The following CACNA1H variants were observed in gnomAD, a reference collection of about 807,000 sequenced individuals.
CACNA1H encodes the protein voltage-dependent T-type calcium channel subunit alpha-1H.
A neutral mutation model predicts 192.5 loss-of-function variants in CACNA1H; 149 were observed. That is an observed-to-expected ratio of 0.77 (90% CI 0.68 to 0.89). CACNA1H has a LOEUF of 0.89. Among genes scored for constraint, CACNA1H ranks in the 40% least tolerant of loss-of-function variants. The pLI, the probability that CACNA1H is intolerant of heterozygous loss-of-function variation, is 0.00. For missense variants in CACNA1H, 4,257 were observed against 3,423.5 expected, an observed-to-expected ratio of 1.24 and a Z score of -6.08; for synonymous variants, 2,202 against 1,475.2, an observed-to-expected ratio of 1.49 and a Z score of -11.29.
At position 1,211,465 on chromosome 16, in the gene CACNA1H, C is replaced by G. The variant is rs200013690; in HGVS notation, c.4351-16C>G. 1.9e-6 allele frequency: 3 copies of G among 1,612,300 alleles called. No individual in the cohort carries two copies. The highest frequency in any genetic ancestry group is 1.7e-5 in the Admixed American group (1 of 60,012). ...CACAGGCCAGGCCCTCCGCGGTGAC[C>G]GTCGCACCCCGTCAGCTCTTCAAAG... On this transcript the variant is annotated splice_polypyrimidine_tract_variant and intron_variant, in intron 22 of 34. Transcript: ENST00000348261.
At position 1,180,375 on chromosome 16, in the gene CACNA1H, G is replaced by T. The variant is rs888999686; in HGVS notation, c.300-14597G>T. Reference sequence around the variant, plus strand: ...GCTGGGGGCAGAGCAGGGCAGGCTGGGTGAGGAGGGGGCACCCCAGGTGTC... The same window carrying T: ...GCTGGGGGCAGAGCAGGGCAGGCTGTGTGAGGAGGGGGCACCCCAGGTGTC... On this transcript the variant is annotated intron_variant, in intron 2 of 34. Coordinates refer to ENST00000348261, the MANE Select transcript of CACNA1H (RefSeq NM_021098.3). The surrounding 1 kb of genome is among the most constrained non-coding windows in gnomAD (Gnocchi z 4.4). Among the ~76,000 whole-genome samples the T allele has an allele frequency of 5.3e-5, 8 of 152,338 alleles. 1 individual carries two copies. The highest frequency in any genetic ancestry group is 2.6e-4 in the Admixed American group (4 of 15,310).
intron 5 of CACNA1H, among the ~76,000 whole-genome samples, chr16:1,198,079 G>A (rs981888735): frequency 1.3e-5 from 2 of 152,152 alleles, no homozygotes; most frequent in Non-Finnish European, 1.5e-5. Flanking sequence ...AAGTTTTCAG[G>A]ATCCCAGACC....
intron 8 of CACNA1H, 28 bp downstream of exon 8, chr16:1,200,836 G>C (rs370729689): frequency 1.5e-5 from 23 of 1,526,208 alleles, no homozygotes; most frequent in Admixed American, 9.8e-5. Context: ...TGTTCGCCAT[G>C]ATGGGCCCTG....
Position 1,195,062 on chromosome 16 carries a change from C to T in CACNA1H, c.390C>T (p.Ser130=), listed in dbSNP as rs59794024. 10,840 of 1,605,332 alleles carry T rather than the reference C, an allele frequency of 6.8e-3. 590 individuals carry two copies. The African/African-American group carries it at 0.12, about 18-fold the overall frequency. ...FRPCEDVECG[S]ERCNILEAFD... ...CCTGTGAGGACGTTGAGTGCGGCTC[C>T]GAGCGCTGCAACATCCTGGAGGTGA... Residue 130 remains serine (S), a synonymous_variant, in exon 3 of 35, where the codon TCC becomes TCT. Coordinates refer to ENST00000348261, the MANE Select transcript of CACNA1H (RefSeq NM_021098.3).
intron 2 of CACNA1H, among the ~76,000 whole-genome samples, chr16:1,168,996 C>T (rs1185416409): frequency 1.3e-5 from 2 of 152,122 alleles, no homozygotes; most frequent in African/African-American, 2.4e-5. Flanking sequence ...AGGGTGATGC[C>T]AGGGCGTTCT....
At chr16:1,179,699 G>C (rs1965272216) in intron 2 of CACNA1H, among the ~76,000 whole-genome samples, 2 of 150,622 alleles carry the variant, frequency 1.3e-5, no homozygotes, top group African/African-American at 4.9e-5. Flanking sequence ...AAAGTGTTGG[G>C]ATGACAGGTG....
intron 2 of CACNA1H, among the ~76,000 whole-genome samples, chr16:1,168,778 C>T (rs1964063757): frequency 6.6e-6 from 1 of 152,130 alleles, no homozygotes. Context: ...CGCCCCCCAG[C>T]CTTGCCCTCC....
Position 1,153,796 on chromosome 16 carries a change from C to G in CACNA1H, c.59C>G (p.Pro20Arg), listed in dbSNP as rs890695707. Residue 20 changes from proline to arginine, a missense_variant, in exon 2 of 35, where the codon CCT (proline) becomes CGT (arginine). Physicochemically the swap from Pro to Arg is moderately radical, Grantham distance 103. Coordinates refer to ENST00000348261, the MANE Select transcript of CACNA1H (RefSeq NM_021098.3). ...EVRVPLGAPP[P>R]GPAALVGASP... ...CGGGTGCCCCTGGGCGCGCCGCCCC[C>G]TGGCCCTGCGGCGTTGGTGGGGGCG... 3 of 1,247,476 alleles carry G rather than the reference C, an allele frequency of 2.4e-6. No individual in the cohort carries two copies. Among genetic ancestry groups the G allele is most frequent in the East Asian group, 3.4e-5 (1 of 29,742 alleles). 77.3% of individuals were successfully genotyped at this position (1,247,476 alleles called of 1,614,324 possible). A position where few individuals can be genotyped will look rare whatever the true frequency, so the allele number is the denominator to read the frequency against.
chr16:1,160,961 C>T (rs576530561), intron 2 of CACNA1H, among the ~76,000 whole-genome samples: 3 of 152,236 alleles, frequency 2.0e-5, no homozygotes, highest in Non-Finnish European at 2.9e-5. Flanking sequence ...GCCCTGGGCT[C>T]TTTGCCCAAG....
In CACNA1H at chr16:1,195,088, G is replaced by A. The variant is rs1397573959; in HGVS notation, c.411+5G>A. 1 of 1,590,218 alleles carries A rather than the reference G, an allele frequency of 6.3e-7. No individual in the cohort carries two copies. The highest frequency in any genetic ancestry group is 8.6e-7 in the Non-Finnish European group (1 of 1,161,434). The stretch of plus-strand genomic sequence containing the variant: ...GAGCGCTGCAACATCCTGGAGGTGA[G>A]GGGCGTGGGTCGGGGTGGGGAAGGA... On this transcript the variant is annotated splice_donor_5th_base_variant and intron_variant, in intron 3 of 34. Transcript: ENST00000348261.
chr16:1,187,146 G>A (rs759950383), intron 2 of CACNA1H, among the ~76,000 whole-genome samples: 8 of 152,250 alleles, frequency 5.3e-5, no homozygotes, highest in Admixed American at 1.3e-4. Context: ...CACATAGGTC[G>A]TCTTCTTGAG....
chr16:1,175,074 T>G (rs1964742023), intron 2 of CACNA1H, among the ~76,000 whole-genome samples: 1 of 151,966 alleles, frequency 6.6e-6, no homozygotes, highest in African/African-American at 2.4e-5. Flanking sequence ...TACGCACAGG[T>G]CAACTTCCAC....
chr16:1,187,566 C>T (rs903593201), intron 2 of CACNA1H, among the ~76,000 whole-genome samples: 2 of 152,222 alleles, frequency 1.3e-5, no homozygotes, highest in African/African-American at 2.4e-5. Context: ...TAGGGGACAG[C>T]GGGTGGGGCA....
chr16:1,187,581 C>A lies in CACNA1H; in HGVS notation c.300-7391C>A, dbSNP rs113044187. Among the ~76,000 whole-genome samples the A allele has an allele frequency of 1.8e-3, 274 of 152,362 alleles. 1 individual carries two copies. Among genetic ancestry groups the A allele is most frequent in the African/African-American group, 5.8e-3 (242 of 41,592 alleles). On this transcript the variant is annotated intron_variant, in intron 2 of 34. Transcript: ENST00000348261. ...TAGGGGACAGCGGGTGGGGCAGGAA[C>A]GGCCCAGCCTCCCGATCCTCCCAGC...
In CACNA1H at chr16:1,209,229, G is replaced by A. The variant is rs543668675; in HGVS notation, c.3561G>A (p.Gly1187=). The A allele has an allele frequency of 4.9e-5, 76 of 1,544,870 alleles. 1 individual carries two copies. In the African/African-American group the frequency reaches 7.4e-4, roughly 15 times the overall value. The stretch of plus-strand genomic sequence containing the variant: ...CTGAGGACGGCAGGGCCGCGCCCGG[G>A]CCCCGTGCCACCCCACTGCGGCGGG... ...DEAEDGRAAP[G]PRATPLRRAE... Residue 1187 remains glycine, a synonymous_variant, in exon 17 of 35, where the codon GGG becomes GGA. Transcript: ENST00000348261.
chr16:1,184,180 G>C (rs1354616670), intron 2 of CACNA1H, among the ~76,000 whole-genome samples: 2 of 152,366 alleles, frequency 1.3e-5, no homozygotes, highest in East Asian at 1.9e-4. Context: ...TTCAGGAATG[G>C]TCAGGCCCAG....
chr16:1,200,392 C>A lies in CACNA1H; in HGVS notation c.940C>A (p.Pro314Thr). The A allele has an allele frequency of 6.2e-7, 1 of 1,606,874 alleles. No individual in the cohort carries two copies. ...HIPGRRELRM[P>T]CTLGWEAYTQ... ...CCCCGGCCGCCGCGAGCTGCGCATG[C>A]CCTGCACCCTGGGCTGGGAGGCCTA... The change falls in exon 7 of 35, where the codon CCC becomes ACC. Residue 314 changes from proline to threonine, a missense_variant. Pro to Thr is a conservative substitution (Grantham distance 38). Coordinates refer to ENST00000348261, the MANE Select transcript of CACNA1H (RefSeq NM_021098.3).
intron 2 of CACNA1H, among the ~76,000 whole-genome samples, chr16:1,171,356 G>T (rs1964352221): frequency 6.6e-6 from 1 of 152,164 alleles, no homozygotes; most frequent in African/African-American, 2.4e-5. Context: ...GCCCAGATGG[G>T]CCAGTGGCCC....
intron 2 of CACNA1H, among the ~76,000 whole-genome samples, chr16:1,188,589 ACAGT>A: frequency 6.6e-6 from 1 of 152,156 alleles, no homozygotes; most frequent in Middle Eastern, 3.4e-3. Flanking sequence ...CCCCCACACA[ACAGT>A]CAGTGGCTCT....
Sources: allele counts gnomAD v4.1 joint callset (sites outside exome capture counted in the v4.1 genomes callset), GRCh38; gene constraint gnomAD v4.1.1; non-coding constraint Gnocchi (gnomAD v3.1); transcripts MANE v1.5; gene names NCBI Gene and HGNC (gene_info 2026-07-23, HGNC 2026-07-21).